The following RBMX2 variants were observed in gnomAD, a reference collection of about 807,000 sequenced individuals.
RBMX2 encodes the protein RNA binding motif protein X-linked 2.
For synonymous variants in RBMX2, 77 were observed against 94.3 expected (o/e 0.82, Z 1.07); for missense variants, 191 against 256.0 (o/e 0.75, Z 1.73).
chrX:130,402,225 A>AGCCAG, intron 1 of RBMX2, 30 bp from the exon 2 acceptor site: 1 of 984,795 alleles, frequency 1.0e-6, no homozygotes, highest in Non-Finnish European at 1.4e-6. Flanking sequence ...TTTTCTGCCT[A>AGCCAG]CCCTCCCCAC....
chrX:130,409,125 A>G (rs1280913577), intron 3 of RBMX2, 132 bp from the exon 4 acceptor site: 3 of 520,513 alleles, frequency 5.8e-6, no homozygotes, highest in Non-Finnish European at 8.4e-6. Context: ...TTTCTTTGCA[A>G]CCTTTCTATG....
chrX:130,411,459 C>T lies in RBMX2; in HGVS notation c.415C>T (p.Arg139Cys), dbSNP rs2034511846. 2 of 1,206,705 alleles carry T rather than the reference C, an allele frequency of 1.7e-6. No homozygotes were observed. The highest frequency in any genetic ancestry group is 1.7e-5 in the African/African-American group (1 of 57,456). The change falls in exon 5 of 6, where the codon CGT becomes TGT. Residue 139 changes from arginine (R) to cysteine (C), a missense_variant. Arg to Cys is a radical substitution (Grantham distance 180, BLOSUM62 -3). Coordinates refer to ENST00000305536, the MANE Select transcript of RBMX2 (RefSeq NM_016024.4). ...RQLQEKGCGARTPSPSLSESS... is the reference protein window; with the variant it reads ...RQLQEKGCGACTPSPSLSESS... ...ACTCCAGGAGAAGGGCTGTGGGGCT[C>T]GTACCCCCTCACCAAGTTTGTCTGA...
intron 4 of RBMX2, among the ~76,000 whole-genome samples, chrX:130,410,634 G>A (rs945000112): frequency 6.3e-5 from 7 of 111,834 alleles, no homozygotes; most frequent in Admixed American, 3.8e-4. Context: ...TGATCCACCC[G>A]CTTTGGCCTC....
In RBMX2 at chrX:130,413,490, C is replaced by T. The variant is rs1000494652; in HGVS notation, c.*642C>T. On this transcript the variant is annotated 3_prime_UTR_variant, in exon 6 of 6. Transcript: ENST00000305536. ...ATCCACAGTGTTGTGTAACCATTGC[C>T]TCTGTCTAGTTCCAAAACATTTTTT... The T allele has an allele frequency of 7.2e-5, 8 of 110,686 alleles. No homozygotes were observed. Among genetic ancestry groups the T allele is most frequent in the African/African-American group, 2.0e-4 (6 of 30,354 alleles). 9.1% of individuals were successfully genotyped at this position (110,686 alleles called of 1,213,427 possible). A position where few individuals can be genotyped will look rare whatever the true frequency, so the allele number is the denominator to read the frequency against.
chrX:130,409,418 C>T, intron 4 of RBMX2, 32 bp downstream of exon 4: 1 of 1,184,826 alleles, frequency 8.4e-7, no homozygotes. Flanking sequence ...GTTGGTTGGA[C>T]TTTTTTCCCA....
chrX:130,405,877 C>T (rs1266481558), intron 3 of RBMX2, among the ~76,000 whole-genome samples: 2 of 30,513 alleles, frequency 6.6e-5, no homozygotes, highest in African/African-American at 9.1e-4. Context: ...TTTTTTGAGA[C>T]GGAGTCTCGC....
chrX:130,404,007 A>G (rs2034470683), intron 3 of RBMX2, 154 bp downstream of exon 3: 2 of 521,743 alleles, frequency 3.8e-6, no homozygotes, highest in South Asian at 3.1e-5. Flanking sequence ...GATCAGTCCC[A>G]GGACATGGTT....
chrX:130,412,422 A>G lies in RBMX2; in HGVS notation c.543A>G (p.Ala181=). 1 of 1,208,568 alleles carries G rather than the reference A, an allele frequency of 8.3e-7. No individual in the cohort carries two copies. Residue 181 remains alanine (A), a synonymous_variant, in exon 6 of 6, where the codon GCA becomes GCG. Coordinates refer to ENST00000305536, the MANE Select transcript of RBMX2 (RefSeq NM_016024.4). ...AGAAAGCCGACCGGGAGGTACAGGCAGAGCAACCATCCTCTTCGTCACCCA... is the reference window on the plus strand; with the variant it reads ...AGAAAGCCGACCGGGAGGTACAGGCGGAGCAACCATCCTCTTCGTCACCCA... The part of the protein sequence containing the change: ...EKEKADREVQ[A]EQPSSSSPRR...
At chrX:130,405,980 A>G (rs1351170293) in intron 3 of RBMX2, among the ~76,000 whole-genome samples, 1 of 75,799 alleles carries the variant, frequency 1.3e-5, no homozygotes, top group East Asian at 3.8e-4. Context: ...TCAGCCTCCC[A>G]AGTAGCTGGG....
At chrX:130,408,490 A>AT (rs1419801630) in intron 3 of RBMX2, among the ~76,000 whole-genome samples, 5 of 109,787 alleles carry the variant, frequency 4.6e-5, no homozygotes, top group African/African-American at 1.3e-4. Context: ...TCTGCCATTT[A>AT]TTTTTTTTTA....
rs201413919 is a variant in RBMX2 at position 130,402,240 on chromosome X, C to A, written c.6-15C>A. 46 of 1,185,568 alleles carry A rather than the reference C, an allele frequency of 3.9e-5. No homozygotes were observed. The highest frequency in any genetic ancestry group is 4.8e-5 in the Non-Finnish European group (42 of 883,673). On this transcript the variant is annotated splice_polypyrimidine_tract_variant and intron_variant, in intron 1 of 5. Coordinates refer to ENST00000305536, the MANE Select transcript of RBMX2 (RefSeq NM_016024.4). ...TTTTCTGCCTACCCTCCCCACCCCC[C>A]CCGCCACCGTGAAGCCCTTTAACTA...
chrX:130,412,347 C>T lies in RBMX2; in HGVS notation c.482-14C>T. The T allele has an allele frequency of 3.6e-5, 38 of 1,049,465 alleles. No homozygotes were observed. The highest frequency in any genetic ancestry group is 1.1e-4 in the Admixed American group (3 of 28,543). The allele number at this position is 1,049,465 out of a possible 1,213,427, so 86.5% of individuals were successfully genotyped here. A position where few individuals can be genotyped will look rare whatever the true frequency, so the allele number is the denominator to read the frequency against. ...CCCTTTTCTTATTTACTGCTTCTTT[C>T]TTTTATCCTCCAGACAAAAAGGAAA... On this transcript the variant is annotated splice_polypyrimidine_tract_variant and intron_variant, in intron 5 of 5. Coordinates refer to ENST00000305536, the MANE Select transcript of RBMX2 (RefSeq NM_016024.4).
chrX:130,402,473 C>T (rs771755100), intron 2 of RBMX2, 103 bp downstream of exon 2: 1 of 1,104,977 alleles, frequency 9.0e-7, no homozygotes, highest in Middle Eastern at 2.5e-4. Context: ...ATTCATCGCC[C>T]ACCTTCATAT....
At position 130,412,727 on chromosome X, in the gene RBMX2, G is replaced by A. The variant is rs1365230150; in HGVS notation, c.848G>A (p.Arg283His). 1.2e-5 allele frequency: 14 copies of A among 1,208,576 alleles called. No homozygotes were observed. The highest frequency in any genetic ancestry group is 5.9e-5 in the East Asian group (2 of 33,673). Residue 283 changes from arginine (R) to histidine (H), a missense_variant, in exon 6 of 6, where the codon CGT (arginine) becomes CAT (histidine). By Grantham distance (29) the Arg-to-His change is conservative (BLOSUM62 0). Transcript: ENST00000305536. ...SDAHSSWYNG[R>H]SEGRSYRSRS... The stretch of plus-strand genomic sequence containing the variant: ...GCACATTCTAGCTGGTATAATGGGC[G>A]TTCTGAAGGGCGTAGTTATAGAAGT...
At position 130,408,391 on chromosome X, in the gene RBMX2, T is replaced by C. The variant is rs181184960; in HGVS notation, c.174-866T>C. Among the ~76,000 whole-genome samples the C allele has an allele frequency of 1.8e-3, 200 of 112,732 alleles. No homozygotes were observed. In the East Asian group the frequency reaches 0.025, roughly 14 times the overall value. On this transcript the variant is annotated intron_variant, in intron 3 of 5. Coordinates refer to ENST00000305536, the MANE Select transcript of RBMX2 (RefSeq NM_016024.4). Reference sequence around the variant, plus strand: ...ATCCTTTCTCTTCACAATAAAATTCTTTTAAAATTACAAATTTTCCTGAGT... The same window carrying C: ...ATCCTTTCTCTTCACAATAAAATTCCTTTAAAATTACAAATTTTCCTGAGT...
At chrX:130,403,278 C>A (rs1024998228) in intron 2 of RBMX2, among the ~76,000 whole-genome samples, 2 of 112,436 alleles carry the variant, frequency 1.8e-5, no homozygotes, top group African/African-American at 6.5e-5. Flanking sequence ...TTAGTGGTGA[C>A]CCCGACTTCC....
At chrX:130,407,781 C>T (rs61514535) in intron 3 of RBMX2, among the ~76,000 whole-genome samples, 1,249 of 108,882 alleles carry the variant, frequency 0.011, 17 homozygotes, top group African/African-American at 0.04. Context: ...ACGCACCCTC[C>T]TGAATGGCTG....
chrX:130,407,665 CT>C (rs1019718080), intron 3 of RBMX2, among the ~76,000 whole-genome samples: 126 of 99,825 alleles, frequency 1.3e-3, no homozygotes, highest in Admixed American at 1.2e-3. Flanking sequence ...AATGTTTTTT[CT>C]TTTTTTTTTT....
Position 130,402,234 on chromosome X carries a change from AC to A in RBMX2, c.6-13del, listed in dbSNP as rs368717541. ...GTCTGCTTTTCTGCCTACCCTCCCC[AC>A]CCCCCCCGCCACCGTGAAGCCCTTT... On this transcript the variant is annotated intron_variant, in intron 1 of 5. Coordinates refer to ENST00000305536, the MANE Select transcript of RBMX2 (RefSeq NM_016024.4). The A allele has an allele frequency of 1.0e-3, 595 of 586,139 alleles. No homozygotes were observed. The highest frequency in any genetic ancestry group is 1.9e-3 in the Admixed American group (48 of 25,581). The allele number at this position is 586,139 out of a possible 1,213,427, so 48.3% of individuals were successfully genotyped here. A position where few individuals can be genotyped will look rare whatever the true frequency, so the allele number is the denominator to read the frequency against.
Sources: gnomAD v4.1 joint callset for allele counts (sites outside exome capture counted in the v4.1 genomes callset) on GRCh38, gnomAD v4.1.1 for gene constraint, MANE v1.5 for transcripts, NCBI Gene and HGNC (gene_info 2026-07-23, HGNC 2026-07-21) for gene names.